NOS1AP: variants seen among roughly 807,000 people sequenced by gnomAD.
NOS1AP encodes the protein nitric oxide synthase 1 adaptor protein, also known as carboxyl-terminal PDZ ligand of neuronal nitric oxide synthase protein.
NOS1AP carries 21 observed loss-of-function variants against 56.2 expected under a neutral mutation model. The ratio of observed to expected loss-of-function variants is 0.37; its 90% CI spans 0.26 to 0.54. The LOEUF is 0.54. NOS1AP is among the 20% of genes least tolerant of loss of function. The probability of loss-of-function intolerance (pLI) is 0.84; values close to 1 mark genes in which losing one functional copy is unlikely to be tolerated. For synonymous variants in NOS1AP, 270 were observed against 274.6 expected, an observed-to-expected ratio of 0.98 and a Z score of 0.17; for missense variants, 522 against 657.8, an observed-to-expected ratio of 0.79 and a Z score of 2.26.
chr1:162,308,331 G>A (rs1655909534), intron 4 of NOS1AP, among the ~76,000 whole-genome samples: 1 of 152,180 alleles, frequency 6.6e-6, no homozygotes. Flanking sequence ...GTGGAGTTGG[G>A]GTATGGCTGT....
chr1:162,157,525 A>G (rs1284547645), intron 2 of NOS1AP, among the ~76,000 whole-genome samples: 3 of 152,236 alleles, frequency 2.0e-5, no homozygotes, highest in Non-Finnish European at 4.4e-5. Context: ...GAACGGTGCC[A>G]GGCTAACATT....
At position 162,368,446 on chromosome 1, in the gene NOS1AP, A is replaced by AAAAAAAAAG. The variant is rs1224162017; in HGVS notation, c.*984_*985insAAAGAAAAA. 1 of 148,828 alleles carries AAAAAAAAAG rather than the reference A, an allele frequency of 6.7e-6. No homozygotes were observed. The highest frequency in any genetic ancestry group is 2.4e-5 in the African/African-American group (1 of 40,920). The allele number at this position is 148,828 out of a possible 1,614,324, so 9.2% of individuals were successfully genotyped here. ...GTGGTCAGTTTTTACTGCAAAAAAA[A>AAAAAAAAAG]AAAAAGAAAAAAGAGAAAGAAAAAA... On this transcript the variant is annotated 3_prime_UTR_variant, in exon 10 of 10. Transcript: ENST00000361897.
intron 2 of NOS1AP, among the ~76,000 whole-genome samples, chr1:162,280,325 C>T (rs1198519576): frequency 2.6e-5 from 4 of 152,154 alleles, no homozygotes; most frequent in Non-Finnish European, 4.4e-5. Flanking sequence ...TCATAAGAAT[C>T]TATCTTGTTA....
intron 3 of NOS1AP, among the ~76,000 whole-genome samples, chr1:162,289,463 A>AT (rs1655212320): frequency 1.2e-5 from 1 of 84,636 alleles, no homozygotes. Flanking sequence ...ACGCCCAGCT[A>AT]CTTTTCTTTT....
intron 2 of NOS1AP, among the ~76,000 whole-genome samples, chr1:162,201,884 T>G (rs1370507410): frequency 6.6e-6 from 1 of 152,258 alleles, no homozygotes; most frequent in Non-Finnish European, 1.5e-5. Flanking sequence ...AAAAATTTCC[T>G]CTCATTCTAT....
chr1:162,262,344 T>C (rs905783962), intron 2 of NOS1AP, among the ~76,000 whole-genome samples: 1 of 152,230 alleles, frequency 6.6e-6, no homozygotes, highest in Non-Finnish European at 1.5e-5. Flanking sequence ...TTTCATTGAC[T>C]ATAGCAAAGA....
chr1:162,181,433 T>C (rs1651257445), intron 2 of NOS1AP, among the ~76,000 whole-genome samples: 1 of 152,234 alleles, frequency 6.6e-6, no homozygotes, highest in African/African-American at 2.4e-5. Flanking sequence ...TAAGAATTAA[T>C]GCAAAATTCA....
At chr1:162,118,980 G>A (rs879779908) in intron 1 of NOS1AP, among the ~76,000 whole-genome samples, 5 of 152,070 alleles carry the variant, frequency 3.3e-5, no homozygotes, top group Non-Finnish European at 7.4e-5. Flanking sequence ...AAGTTCATGG[G>A]GATTTCTAGG....
chr1:162,335,485 A>G (rs1028157284), intron 5 of NOS1AP, among the ~76,000 whole-genome samples: 1 of 152,224 alleles, frequency 6.6e-6, no homozygotes, highest in African/African-American at 2.4e-5. Context: ...CCTTTTTTAT[A>G]AAGCACTTCT....
chr1:162,105,396 C>T (rs1458339385), intron 1 of NOS1AP, among the ~76,000 whole-genome samples: 2 of 152,208 alleles, frequency 1.3e-5, no homozygotes, highest in Non-Finnish European at 2.9e-5. Flanking sequence ...ATCAGGGACC[C>T]ACCCAAAGAA....
intron 8 of NOS1AP, chr1:162,360,941 G>A (rs961999626): frequency 6.6e-6 from 3 of 456,580 alleles, no homozygotes; most frequent in African/African-American, 6.0e-5. Flanking sequence ...AAGCTGGAGA[G>A]TGAGGGCGCC....
chr1:162,152,974 A>C (rs139259508), intron 1 of NOS1AP, among the ~76,000 whole-genome samples: 2 of 152,254 alleles, frequency 1.3e-5, no homozygotes, highest in African/African-American at 4.8e-5. Context: ...TAATTTATGT[A>C]TAATAAGGAA....
chr1:162,311,383 C>A (rs1656021581), intron 4 of NOS1AP, among the ~76,000 whole-genome samples: 2 of 152,028 alleles, frequency 1.3e-5, no homozygotes, highest in Admixed American at 1.3e-4. Flanking sequence ...AGTGTTTATC[C>A]CTCCTTATAG....
intron 1 of NOS1AP, among the ~76,000 whole-genome samples, chr1:162,076,724 G>A (rs960593947): frequency 6.6e-6 from 1 of 152,132 alleles, no homozygotes; most frequent in African/African-American, 2.4e-5. Context: ...AATTAGCTGG[G>A]CATGATGGCA....
chr1:162,120,078 GGTATATA>G (rs1648142946), intron 1 of NOS1AP, among the ~76,000 whole-genome samples: 4 of 22,794 alleles, frequency 1.8e-4, no homozygotes, highest in African/African-American at 3.7e-4. Context: ...ATATGTATAT[GGTATATA>G]CATATGTATA....
chr1:162,239,326 T>C, intron 2 of NOS1AP, among the ~76,000 whole-genome samples: 1 of 152,338 alleles, frequency 6.6e-6, no homozygotes, highest in South Asian at 2.1e-4. Context: ...ATTCTCTTAT[T>C]GCAAGTTCCT....
intron 2 of NOS1AP, among the ~76,000 whole-genome samples, chr1:162,158,056 T>G (rs1187548925): frequency 6.6e-6 from 1 of 152,244 alleles, no homozygotes; most frequent in Non-Finnish European, 1.5e-5. Flanking sequence ...AGTGTGAAGT[T>G]CAGCAGTGTT....
chr1:162,323,480 T>A (rs2101783625), intron 4 of NOS1AP, among the ~76,000 whole-genome samples: 1 of 152,368 alleles, frequency 6.6e-6, no homozygotes, highest in Non-Finnish European at 1.5e-5. Flanking sequence ...GCACAGGGGT[T>A]ACCTCTCTGT....
At chr1:162,236,099 G>T (rs6676543) in intron 2 of NOS1AP, among the ~76,000 whole-genome samples, 8 of 152,264 alleles carry the variant, frequency 5.3e-5, no homozygotes, top group African/African-American at 1.9e-4. Flanking sequence ...TCATTCATTC[G>T]TTCCACAGAT....
Sources: allele counts gnomAD v4.1 joint callset (sites outside exome capture counted in the v4.1 genomes callset), GRCh38; gene constraint gnomAD v4.1.1; transcripts MANE v1.5; gene names NCBI Gene and HGNC (gene_info 2026-07-23, HGNC 2026-07-21).